Variants in PCDHA2 observed in about 807,000 individuals in gnomAD.
PCDHA2 encodes protocadherin alpha 2, also known as protocadherin alpha-2.
PCDHA2 carries 58 observed loss-of-function variants against 66.0 expected under a neutral mutation model. That is an observed-to-expected ratio of 0.88 (90% CI 0.71 to 1.09). The LOEUF (loss-of-function observed/expected upper bound fraction) is 1.09, where lower values mean the gene tolerates loss of function less well. Ranked by LOEUF, PCDHA2 falls within the 50% of genes least tolerant of loss-of-function variation. The probability of loss-of-function intolerance (pLI) is 0.00; values close to 1 mark genes in which losing one functional copy is unlikely to be tolerated. For synonymous variants in PCDHA2, 634 were observed against 554.0 expected (o/e 1.14, Z -2.03); for missense variants, 1,267 against 1,242.3 (o/e 1.02, Z -0.30).
At chr5:140,817,446 A>G (rs1170449909) in intron 1 of PCDHA2, 1 of 152,218 alleles carries the variant, frequency 6.6e-6, no homozygotes, top group Non-Finnish European at 1.5e-5. Flanking sequence ...GGATTCCTAT[A>G]ACAGCATCTT....
chr5:140,834,823 C>T, intron 1 of PCDHA2: 1 of 1,612,142 alleles, frequency 6.2e-7, no homozygotes, highest in South Asian at 1.1e-5. Flanking sequence ...GAATCCAGGC[C>T]GCTTGACTCT....
At chr5:140,875,921 C>T (rs782082764) in intron 1 of PCDHA2, 57 of 1,614,110 alleles carry the variant, frequency 3.5e-5, no homozygotes, top group Non-Finnish European at 4.8e-5. Context: ...CCTCTGGACT[C>T]TCATTTTCCT....
intron 1 of PCDHA2, chr5:140,877,432 C>T: frequency 6.2e-7 from 1 of 1,613,874 alleles, no homozygotes; most frequent in Non-Finnish European, 8.5e-7. Flanking sequence ...GGTGAAGGAC[C>T]ACGGTGAGCC....
Position 140,796,672 on chromosome 5 carries a change from G to T in PCDHA2, c.1708G>T (p.Ala570Ser), listed in dbSNP as rs782305440. ...DNAPALLAPRAGTAAGAVSEL... is the reference protein window; with the variant it reads ...DNAPALLAPRSGTAAGAVSEL... Reference sequence around the variant, plus strand: ...CGCGCCGGCACTGTTGGCGCCTAGGGCTGGCACCGCTGCTGGCGCAGTGAG... The same window carrying T: ...CGCGCCGGCACTGTTGGCGCCTAGGTCTGGCACCGCTGCTGGCGCAGTGAG... Residue 570 changes from alanine to serine, a missense_variant, in exon 1 of 4, where the codon GCT (alanine) becomes TCT (serine). Ala to Ser is a moderately conservative substitution (Grantham distance 99). Coordinates refer to ENST00000526136, the MANE Select transcript of PCDHA2 (RefSeq NM_018905.3). The T allele has an allele frequency of 1.5e-5, 24 of 1,613,884 alleles. No individual in the cohort carries two copies. Among genetic ancestry groups the T allele is most frequent in the Non-Finnish European group, 1.8e-5 (21 of 1,179,874 alleles).
chr5:140,820,435 C>T (rs1296857587), intron 1 of PCDHA2, among the ~76,000 whole-genome samples: 2 of 151,930 alleles, frequency 1.3e-5, no homozygotes, highest in Non-Finnish European at 2.9e-5. Context: ...AATAGAATTG[C>T]TAATCTCTTG....
chr5:141,011,084 C>A lies in PCDHA2; in HGVS notation c.*1147C>A, dbSNP rs928216799. Reference sequence around the variant, plus strand: ...CATGTATTACTAAATAAAATGATCTCTCTTTCTCTCTCTCTCTCTCTTTTC... The same window carrying A: ...CATGTATTACTAAATAAAATGATCTATCTTTCTCTCTCTCTCTCTCTTTTC... On this transcript the variant is annotated 3_prime_UTR_variant, in exon 4 of 4. Transcript: ENST00000526136. 1.3e-5 allele frequency: 2 copies of A among 153,722 alleles called. No individual in the cohort carries two copies. The highest frequency in any genetic ancestry group is 2.9e-5 in the Non-Finnish European group (2 of 68,048). The allele number at this position is 153,722 out of a possible 1,614,324, so 9.5% of individuals were successfully genotyped here.
chr5:140,797,253 C>G lies in PCDHA2; in HGVS notation c.2289C>G (p.Asp763Glu), dbSNP rs1554120364. The G allele has an allele frequency of 6.2e-7, 1 of 1,613,860 alleles. No individual in the cohort carries two copies. Among genetic ancestry groups the G allele is most frequent in the Admixed American group, 1.7e-5 (1 of 60,026 alleles). Residue 763 changes from aspartate to glutamate, a missense_variant, in exon 1 of 4, where the codon GAC (aspartate) becomes GAG (glutamate). Asp to Glu is a conservative substitution (Grantham distance 45, BLOSUM62 2). Coordinates refer to ENST00000526136, the MANE Select transcript of PCDHA2 (RefSeq NM_018905.3). The part of the protein sequence containing the change: ...QRRQRVCSGE[D>E]PPKTDLMAFS... The stretch of plus-strand genomic sequence containing the variant: ...GGCAGAGGGTGTGCTCTGGGGAGGA[C>G]CCCCCCAAGACGGACCTCATGGCCT...
At chr5:140,857,150 A>C in intron 1 of PCDHA2, 1 of 1,598,240 alleles carries the variant, frequency 6.3e-7, no homozygotes, top group Non-Finnish European at 8.6e-7. Context: ...GGGCACCGTC[A>C]TTGCCCTAAT....
rs781866730 is a variant in PCDHA2 at position 141,009,887 on chromosome 5, CAG to C, written c.2798_2799del (p.Gln933ArgfsTer11). ...GAAAAAGAAGAAGGGTAACAAGACCCAGGAGAAAAAAGAGAAAGGGAACAGCA... is the reference window on the plus strand; with the variant it reads ...GAAAAAGAAGAAGGGTAACAAGACCCGAGAAAAAAGAGAAAGGGAACAGCA... ...KKKKKKGNKTQEKKEKGNSTT... is the reference protein window; with the variant it reads ...KKKKKKGNKTXEKKEKGNSTT... On this transcript the variant is annotated frameshift_variant, in exon 4 of 4. Transcript: ENST00000526136. LOFTEE classifies it high-confidence loss of function. 1.9e-6 allele frequency: 3 copies of C among 1,612,850 alleles called. No homozygotes were observed. In the South Asian group the frequency reaches 3.3e-5, roughly 18 times the overall value.
chr5:140,843,136 G>C, intron 1 of PCDHA2: 1 of 1,596,026 alleles, frequency 6.3e-7, no homozygotes, highest in South Asian at 1.1e-5. Context: ...GCTACAACGC[G>C]TGGCTTTCGT....
intron 1 of PCDHA2, chr5:140,861,573 G>T: frequency 2.7e-6 from 1 of 368,992 alleles, no homozygotes. Context: ...GCTGCTACAG[G>T]TTTTCCATGT....
intron 3 of PCDHA2, among the ~76,000 whole-genome samples, chr5:141,007,652 A>T (rs2098338412): frequency 6.6e-6 from 1 of 152,112 alleles, no homozygotes; most frequent in African/African-American, 2.4e-5. Flanking sequence ...TGCCTAAAAA[A>T]CCATAAATTT....
rs145229632 is a variant in PCDHA2 at position 140,928,096 on chromosome 5, C to A, written c.2389-50853C>A. ...CTACTACAGCCTGCTGATTGATGGG[C>A]CCCTGGACCGGGAGCAGATCAGTGA... On this transcript the variant is annotated intron_variant, in intron 1 of 3. Coordinates refer to ENST00000526136, the MANE Select transcript of PCDHA2 (RefSeq NM_018905.3). 3.5e-5 allele frequency: 57 copies of A among 1,614,052 alleles called. No homozygotes were observed. In the African/African-American group the frequency reaches 6.8e-4, roughly 19 times the overall value.
intron 1 of PCDHA2, chr5:140,831,274 GTCT>G (rs1554133162): frequency 2.0e-5 from 3 of 152,218 alleles, no homozygotes; most frequent in East Asian, 3.9e-4. Flanking sequence ...TCACTTGATG[GTCT>G]TCTCTTCATG....
intron 1 of PCDHA2, chr5:140,930,410 CAG>C (rs2086812971): frequency 6.7e-6 from 1 of 149,986 alleles, no homozygotes; most frequent in South Asian, 2.1e-4. Flanking sequence ...TTTTTTGAGA[CAG>C]GGGTCTCACT....
intron 1 of PCDHA2, among the ~76,000 whole-genome samples, chr5:140,933,534 ATAATGT>A (rs1401849089): frequency 6.6e-6 from 1 of 152,102 alleles, no homozygotes; most frequent in Non-Finnish European, 1.5e-5. Context: ...TAAACTCAAA[ATAATGT>A]TAATATAAAA....
chr5:140,883,621 C>G (rs368758287), intron 1 of PCDHA2: 2 of 1,613,850 alleles, frequency 1.2e-6, no homozygotes, highest in African/African-American at 2.7e-5. Flanking sequence ...TGAACGACAA[C>G]GCGCCGGCGT....
chr5:140,871,372 G>A lies in PCDHA2; in HGVS notation c.2388+74020G>A. 7 of 1,614,234 alleles carry A rather than the reference G, an allele frequency of 4.3e-6. No homozygotes were observed. The highest frequency in any genetic ancestry group is 5.9e-6 in the Non-Finnish European group (7 of 1,180,036). On this transcript the variant is annotated intron_variant, in intron 1 of 3. Coordinates refer to ENST00000526136, the MANE Select transcript of PCDHA2 (RefSeq NM_018905.3). Reference sequence around the variant, plus strand: ...ATACTCGCAGCAGAGGCGGCAGAGGGTGTGCTCTGAGGAGGGCCCACCTAA... The same window carrying A: ...ATACTCGCAGCAGAGGCGGCAGAGGATGTGCTCTGAGGAGGGCCCACCTAA...
chr5:140,902,102 G>T (rs1407664200), intron 1 of PCDHA2, among the ~76,000 whole-genome samples: 1 of 151,098 alleles, frequency 6.6e-6, no homozygotes, highest in Non-Finnish European at 1.5e-5. Flanking sequence ...GGAGTCTTTA[G>T]ATTTTTTTAA....
Sources: gnomAD v4.1 joint callset for allele counts (sites outside exome capture counted in the v4.1 genomes callset) on GRCh38, gnomAD v4.1.1 for gene constraint, MANE v1.5 for transcripts, NCBI Gene and HGNC (gene_info 2026-07-23, HGNC 2026-07-21) for gene names.